The following CYP51A1 variants were observed in gnomAD, a reference collection of about 807,000 sequenced individuals.
CYP51A1 encodes lanosterol 14-alpha demethylase.
A neutral mutation model predicts 53.5 loss-of-function variants in CYP51A1; 45 were observed. The ratio of observed to expected loss-of-function variants is 0.84; its 90% CI spans 0.66 to 1.08. CYP51A1 has a LOEUF of 1.08. Ranked by LOEUF, CYP51A1 falls within the 50% of genes least tolerant of loss-of-function variation. The pLI, the probability that CYP51A1 is intolerant of heterozygous loss-of-function variation, is 0.00. For synonymous variants in CYP51A1, 181 were observed against 217.7 expected (o/e 0.83, Z 1.48); for missense variants, 462 against 621.7 (o/e 0.74, Z 2.73).
rs1819468438 is a variant in CYP51A1, at chr7:92,112,868, C to T, written c.*797G>A. On this transcript the variant is annotated 3_prime_UTR_variant, in exon 10 of 10. Transcript: ENST00000003100. ...AAAAAGGAAGCAGGGAACAACTGAG[C>T]CAAAACAAAATTATCCCCTAAGGAC... The T allele has an allele frequency of 6.7e-6, 1 of 150,210 alleles. No homozygotes were observed. The highest frequency in any genetic ancestry group is 1.5e-5 in the Non-Finnish European group (1 of 67,760). The allele number at this position is 150,210 out of a possible 1,614,324, so 9.3% of individuals were successfully genotyped here. A position where few individuals can be genotyped will look rare whatever the true frequency, so the allele number is the denominator to read the frequency against.
In CYP51A1 at chr7:92,113,322, C is replaced by G. The variant is rs1819502627; in HGVS notation, c.*343G>C. On this transcript the variant is annotated 3_prime_UTR_variant, in exon 10 of 10. Transcript: ENST00000003100. The stretch of plus-strand genomic sequence containing the variant: ...AGGACTAGTCCAAGATTTGAATACC[C>G]TGAACTTATTTGGCAAGAGCGATGA... 1 of 209,088 alleles carries G rather than the reference C, an allele frequency of 4.8e-6. No homozygotes were observed. The highest frequency in any genetic ancestry group is 2.4e-5 in the African/African-American group (1 of 42,188). The allele number at this position is 209,088 out of a possible 1,614,324, so 13.0% of individuals were successfully genotyped here. A position where few individuals can be genotyped will look rare whatever the true frequency, so the allele number is the denominator to read the frequency against.
intron 9 of CYP51A1, among the ~76,000 whole-genome samples, chr7:92,116,070 G>A (rs769228213): frequency 5.3e-5 from 8 of 152,144 alleles, no homozygotes; most frequent in African/African-American, 1.9e-4. Context: ...CCTGGAATTC[G>A]AGACCAGCCT....
At chr7:92,134,595 C>T, upstream of CYP51A1, 1 of 523,398 alleles carries the variant, frequency 1.9e-6, no homozygotes, top group Non-Finnish European at 3.4e-6. Flanking sequence ...GGTCTTCTTG[C>T]GCGGGATAGG....
intron 7 of CYP51A1, among the ~76,000 whole-genome samples, 166 bp from the exon 8 acceptor site, chr7:92,118,781 G>C (rs929338726): frequency 1.3e-5 from 2 of 152,136 alleles, no homozygotes; most frequent in African/African-American, 4.8e-5. Context: ...ACTGTCCATG[G>C]TGAAAAAGGA....
intron 5 of CYP51A1, among the ~76,000 whole-genome samples, chr7:92,125,144 C>CAAAAAA (rs1232943204): frequency 3.0e-4 from 20 of 67,086 alleles, no homozygotes; most frequent in African/African-American, 3.5e-4. Context: ...ACTCCATCAC[C>CAAAAAA]AAAAAAAAAA....
intron 2 of CYP51A1, among the ~76,000 whole-genome samples, chr7:92,131,337 AG>A (rs2130957438): frequency 6.6e-6 from 1 of 152,356 alleles, no homozygotes; most frequent in East Asian, 1.9e-4. Flanking sequence ...ATTAGAGAGA[AG>A]ACGGGCAAAT....
At chr7:92,126,187 G>A (rs1819796286) in intron 5 of CYP51A1, 66 bp downstream of exon 5, 9 of 1,144,356 alleles carry the variant, frequency 7.9e-6, no homozygotes, top group Admixed American at 3.3e-5. Flanking sequence ...TTAAGGCAAA[G>A]CATACCAACA....
At chr7:92,121,748 T>C (rs1365001338) in intron 7 of CYP51A1, among the ~76,000 whole-genome samples, 1 of 152,142 alleles carries the variant, frequency 6.6e-6, no homozygotes, top group East Asian at 1.9e-4. Flanking sequence ...CCCATTTACA[T>C]GAAATATCCA....
chr7:92,116,062 TG>T (rs1819574628), intron 9 of CYP51A1, among the ~76,000 whole-genome samples: 1 of 152,172 alleles, frequency 6.6e-6, no homozygotes, highest in South Asian at 2.1e-4. Context: ...GCTTCAAGCC[TG>T]GAATTCGAGA....
Position 92,123,136 on chromosome 7 carries a change from G to A in CYP51A1, c.1070C>T (p.Pro357Leu). 6.2e-7 allele frequency: 1 copy of A among 1,612,642 alleles called. No homozygotes were observed. The highest frequency in any genetic ancestry group is 8.5e-7 in the Non-Finnish European group (1 of 1,179,028). ...CCAACAAACCTGGTCATAAGTTAAA[G>A]GAGGCAGATTCTCTCCACAGACTGT... ...QKTVCGENLP[P>L]LTYDQLKDLN... Residue 357 changes from proline to leucine, a missense_variant, in exon 7 of 10, where the codon CCT (proline) becomes CTT (leucine). Coordinates refer to ENST00000003100, the MANE Select transcript of CYP51A1 (RefSeq NM_000786.4).
rs1648688468 is a variant in CYP51A1 at position 92,112,905 on chromosome 7, C to T, written c.*760G>A. Reference sequence around the variant, plus strand: ...TATCCCCTAAGGACTTGACTTTGGACTTCCACATAAATGTGACCTTGTAGA... The same window carrying T: ...TATCCCCTAAGGACTTGACTTTGGATTTCCACATAAATGTGACCTTGTAGA... On this transcript the variant is annotated 3_prime_UTR_variant, in exon 10 of 10. Coordinates refer to ENST00000003100, the MANE Select transcript of CYP51A1 (RefSeq NM_000786.4). The T allele has an allele frequency of 6.6e-6, 1 of 151,064 alleles. No individual in the cohort carries two copies. The highest frequency in any genetic ancestry group is 2.1e-4 in the South Asian group (1 of 4,764). 9.4% of individuals were successfully genotyped at this position (151,064 alleles called of 1,614,324 possible).
intron 8 of CYP51A1, 144 bp downstream of exon 8, chr7:92,118,376 G>A: frequency 1.5e-6 from 1 of 654,744 alleles, no homozygotes; most frequent in East Asian, 2.6e-5. Context: ...GCCCAGGCTG[G>A]TCTCAAATTC....
chr7:92,128,028 T>C (rs1359586257), intron 3 of CYP51A1, among the ~76,000 whole-genome samples: 1 of 152,226 alleles, frequency 6.6e-6, no homozygotes, highest in Non-Finnish European at 1.5e-5. Flanking sequence ...TATATCAACT[T>C]AAAACAATTT....
intron 7 of CYP51A1, among the ~76,000 whole-genome samples, chr7:92,119,256 T>C (rs943287850): frequency 3.3e-5 from 5 of 152,150 alleles, no homozygotes; most frequent in African/African-American, 1.2e-4. Flanking sequence ...ACAGGAGACT[T>C]TGAAAAGTTC....
rs1819624245 is a variant in CYP51A1 at position 92,118,553 on chromosome 7, T to A, written c.1149A>T (p.Ile383=). 1 of 1,598,052 alleles carries A rather than the reference T, an allele frequency of 6.3e-7. No homozygotes were observed. The highest frequency in any genetic ancestry group is 8.6e-7 in the Non-Finnish European group (1 of 1,166,402). The part of the protein sequence containing the change: ...IKETLRLRPP[I]MIMMRMARTP... ...TTCTGGCCATTCTCATCATGATCAT[T>A]ATAGGAGGTCTAAGTCTTAATGTTT... Residue 383 remains isoleucine (I), a synonymous_variant, in exon 8 of 10, where the codon ATA becomes ATT. Transcript: ENST00000003100.
chr7:92,127,665 A>C, intron 3 of CYP51A1, 34 bp from the exon 4 acceptor site: 1 of 1,609,454 alleles, frequency 6.2e-7, no homozygotes, highest in East Asian at 2.2e-5. Flanking sequence ...ATACGGCATT[A>C]AAACACATTT....
At chr7:92,133,455 T>C (rs1819965490) in intron 1 of CYP51A1, among the ~76,000 whole-genome samples, 2 of 152,138 alleles carry the variant, frequency 1.3e-5, no homozygotes, top group African/African-American at 4.8e-5. Context: ...TTAGTAGAGA[T>C]GGGGTTTCTC....
In CYP51A1 at chr7:92,123,753, A is replaced by G; in HGVS notation, c.871T>C (p.Leu291=). 1 of 1,607,964 alleles carries G rather than the reference A, an allele frequency of 6.2e-7. No individual in the cohort carries two copies. The highest frequency in any genetic ancestry group is 8.5e-7 in the Non-Finnish European group (1 of 1,178,216). Residue 291 remains leucine, a synonymous_variant, in exon 6 of 10, where the codon TTA becomes CTA. Coordinates refer to ENST00000003100, the MANE Select transcript of CYP51A1 (RefSeq NM_000786.4). The part of the protein sequence containing the change: ...QEKIDDILQT[L]LDATYKDGRP... ...TCTTACTTGTATGTAGCATCTAGTA[A>G]AGTTTGGAGAATGTCATCAATTTTT... is the stretch of plus-strand genomic sequence containing the variant.
rs749505034 is a variant in CYP51A1 at position 92,113,803 on chromosome 7, T to C, written c.1392A>G (p.Gln464=). 1 of 1,609,066 alleles carries C rather than the reference T, an allele frequency of 6.2e-7. No individual in the cohort carries two copies. The highest frequency in any genetic ancestry group is 8.5e-7 in the Non-Finnish European group (1 of 1,178,522). Residue 464 remains glutamine (Q), a synonymous_variant, in exon 10 of 10, where the codon CAA becomes CAG. Transcript: ENST00000003100. ...RCIGENFAYV[Q]IKTIWSTMLR... ...GCATAGTGGACCAAATTGTCTTAAT[T>C]TGAACATAGGCAAAATTTTCCCCAA... is the stretch of plus-strand genomic sequence containing the variant.
Sources: allele counts gnomAD v4.1 joint callset (sites outside exome capture counted in the v4.1 genomes callset), GRCh38; gene constraint gnomAD v4.1.1; transcripts MANE v1.5; gene names NCBI Gene and HGNC (gene_info 2026-07-23, HGNC 2026-07-21).